ENPP2: variants seen among roughly 807,000 people sequenced by gnomAD.
ENPP2 encodes ectonucleotide pyrophosphatase/phosphodiesterase 2.
Under a neutral mutation model 120.2 loss-of-function variants are expected in ENPP2, and 51 were observed. The ratio of observed to expected loss-of-function variants is 0.42; its 90% confidence interval spans 0.34 to 0.54. The LOEUF is 0.54. Among genes scored for constraint, ENPP2 ranks in the 20% least tolerant of loss-of-function variants. The probability of loss-of-function intolerance (pLI) is 0.04; values close to 1 mark genes in which losing one functional copy is unlikely to be tolerated. For missense variants in ENPP2, 920 were observed against 1,066.5 expected (o/e 0.86, Z 1.91); for synonymous variants, 365 against 366.4 (o/e 1.00, Z 0.04).
chr8:119,586,957 C>T lies in ENPP2; in HGVS notation c.1239+87G>A. The T allele has an allele frequency of 7.1e-6, 8 of 1,134,660 alleles. 1 individual carries two copies. In the South Asian group the frequency reaches 9.1e-5, roughly 13 times the overall value. 70.3% of individuals were successfully genotyped at this position (1,134,660 alleles called of 1,614,324 possible). A position where few individuals can be genotyped will look rare whatever the true frequency, so the allele number is the denominator to read the frequency against. On this transcript the variant is annotated intron_variant, in intron 14 of 24. Transcript: ENST00000075322. ...AGGAAAGTGTTCCTCCCACCCCTCC[C>T]CGCCGGGGGAGGCACACACAGGAGG...
At chr8:119,591,135 A>C (rs1813479856) in intron 12 of ENPP2, among the ~76,000 whole-genome samples, 1 of 152,136 alleles carries the variant, frequency 6.6e-6, no homozygotes, top group Admixed American at 6.5e-5. Context: ...TCTTGAGTAC[A>C]TAATCACCAG....
At chr8:119,617,675 G>T in intron 5 of ENPP2, 112 bp from the exon 6 acceptor site, 1 of 748,968 alleles carries the variant, frequency 1.3e-6, no homozygotes, top group South Asian at 1.7e-5. Context: ...TTCACCGGGC[G>T]TGATGGCTTA....
At chr8:119,587,337 A>G (rs563739527) in intron 13 of ENPP2, among the ~76,000 whole-genome samples, 4 of 152,308 alleles carry the variant, frequency 2.6e-5, no homozygotes, top group South Asian at 4.2e-4. Flanking sequence ...TCCTCCTTCC[A>G]TAGCACCAGG....
intron 1 of ENPP2, among the ~76,000 whole-genome samples, chr8:119,662,526 AC>A (rs1817951224): frequency 1.3e-5 from 2 of 152,290 alleles, no homozygotes; most frequent in South Asian, 4.1e-4. Flanking sequence ...AGGTGTTCAA[AC>A]AAGCCCTCCG....
At position 119,562,996 on chromosome 8, in the gene ENPP2, G is replaced by C. The variant is rs1276521125; in HGVS notation, c.2282C>G (p.Ser761Cys). 2.4e-5 allele frequency: 38 copies of C among 1,613,700 alleles called. No individual in the cohort carries two copies. Among genetic ancestry groups the C allele is most frequent in the Non-Finnish European group, 3.1e-5 (37 of 1,179,794 alleles). ...GTAGTAGTGAGTTGGAACAGGAATG[G>C]AACTGCCTTCCACGTACCTGAAACA... ...DKIKQYVEGS[S>C]IPVPTHYYSI... is the part of the protein sequence containing the mutation. The change falls in exon 24 of 25, where the codon TCC becomes TGC. Residue 761 changes from serine to cysteine, a missense_variant. Coordinates refer to ENST00000075322, the MANE Select transcript of ENPP2 (RefSeq NM_001040092.3).
In ENPP2 at chr8:119,626,628, CA is replaced by C; in HGVS notation, c.228del (p.Cys76TrpfsTer20). 1 of 1,613,960 alleles carries C rather than the reference CA, an allele frequency of 6.2e-7. No individual in the cohort carries two copies. Among genetic ancestry groups the C allele is most frequent in the Non-Finnish European group, 8.5e-7 (1 of 1,179,850 alleles). ...CTGGTATAGCTCTTACACAAGTTGT[CA>C]CAGCGACAATCAGGAGGTCCAGCCT... ...LQEAGPPDCR[C>X]DNLCKSYTSC... On this transcript the variant is annotated frameshift_variant, in exon 3 of 25. Transcript: ENST00000075322. LOFTEE classifies it high-confidence loss of function.
chr8:119,661,219 G>A (rs1817911084), intron 1 of ENPP2, among the ~76,000 whole-genome samples: 1 of 152,064 alleles, frequency 6.6e-6, no homozygotes, highest in African/African-American at 2.4e-5. Context: ...TCATGCTTGT[G>A]GGGCTTAAAA....
intron 8 of ENPP2, among the ~76,000 whole-genome samples, chr8:119,615,226 C>T (rs753324041): frequency 6.6e-6 from 1 of 152,080 alleles, no homozygotes; most frequent in Non-Finnish European, 1.5e-5. Context: ...ACAAAGTTCT[C>T]CCAGCCCTCT....
At chr8:119,605,299 T>C (rs905910582) in intron 9 of ENPP2, among the ~76,000 whole-genome samples, 2 of 152,074 alleles carry the variant, frequency 1.3e-5, no homozygotes, top group African/African-American at 4.8e-5. Context: ...CTCAAACTCC[T>C]GTGCTCAAGC....
At chr8:119,609,751 T>C (rs1367664745) in intron 8 of ENPP2, among the ~76,000 whole-genome samples, 6 of 152,202 alleles carry the variant, frequency 3.9e-5, no homozygotes, top group African/African-American at 9.7e-5. Context: ...CTTAGCACAT[T>C]CCAATATCCA....
intron 1 of ENPP2, among the ~76,000 whole-genome samples, chr8:119,649,122 G>A (rs1817554523): frequency 1.3e-5 from 2 of 151,914 alleles, no homozygotes; most frequent in South Asian, 2.1e-4. Context: ...GGCCGGGCAC[G>A]GTGGCTCATG....
intron 2 of ENPP2, among the ~76,000 whole-genome samples, chr8:119,630,488 A>G (rs1816588735): frequency 6.6e-6 from 1 of 152,108 alleles, no homozygotes; most frequent in African/African-American, 2.4e-5. Flanking sequence ...CCTGATTTTT[A>G]CTATTTTCTT....
intron 2 of ENPP2, among the ~76,000 whole-genome samples, chr8:119,627,511 CAT>C (rs1237565880): frequency 2.0e-5 from 3 of 151,886 alleles, no homozygotes; most frequent in Non-Finnish European, 4.4e-5. Flanking sequence ...TAAATTTAAT[CAT>C]ATGTATGTAG....
intron 4 of ENPP2, among the ~76,000 whole-genome samples, chr8:119,620,914 G>C (rs1035589089): frequency 1.3e-5 from 2 of 152,128 alleles, no homozygotes; most frequent in Non-Finnish European, 2.9e-5. Context: ...CTGGTTCCTT[G>C]CCTCAAGAGT....
At chr8:119,639,369 T>A (rs1467052144), upstream of ENPP2, among the ~76,000 whole-genome samples, 1 of 152,232 alleles carries the variant, frequency 6.6e-6, no homozygotes, top group Non-Finnish European at 1.5e-5. Context: ...TATCACATTC[T>A]CAGCTACTTC....
At chr8:119,645,362 T>C (rs1010569550) in intron 1 of ENPP2, among the ~76,000 whole-genome samples, 12 of 152,198 alleles carry the variant, frequency 7.9e-5, no homozygotes, top group Admixed American at 1.3e-4. Flanking sequence ...TTTGTTCATT[T>C]CAATCCTTTC....
At chr8:119,644,566 G>T (rs1484608437) in intron 1 of ENPP2, among the ~76,000 whole-genome samples, 2 of 123,180 alleles carry the variant, frequency 1.6e-5, no homozygotes, top group African/African-American at 5.8e-5. Context: ...ACCATTTTCT[G>T]CTGTGACTGG....
chr8:119,640,937 G>A (rs1023073448), upstream of ENPP2, among the ~76,000 whole-genome samples: 9 of 151,964 alleles, frequency 5.9e-5, no homozygotes, highest in South Asian at 2.1e-4. Flanking sequence ...AATACAGACA[G>A]GGTTTCACCA....
intron 1 of ENPP2, among the ~76,000 whole-genome samples, chr8:119,657,059 C>T (rs1165080946): frequency 6.6e-6 from 1 of 152,108 alleles, no homozygotes; most frequent in African/African-American, 2.4e-5. Flanking sequence ...TCCCGAGTAG[C>T]TGGGATTACA....
Sources: allele counts gnomAD v4.1 joint callset (sites outside exome capture counted in the v4.1 genomes callset), GRCh38; gene constraint gnomAD v4.1.1; transcripts MANE v1.5; gene names NCBI Gene and HGNC (gene_info 2026-07-23, HGNC 2026-07-21).